Variants in ZBTB7C observed in about 807,000 individuals in gnomAD.
ZBTB7C encodes zinc finger and BTB domain containing 7C.
A neutral mutation model predicts 25.7 loss-of-function variants in ZBTB7C; 8 were observed. That is an observed-to-expected ratio of 0.31 (90% CI 0.18 to 0.56). ZBTB7C has a LOEUF of 0.56. Ranked by LOEUF, ZBTB7C falls within the 20% of genes least tolerant of loss-of-function variation. ZBTB7C has a pLI of 0.91. For synonymous variants in ZBTB7C, 394 were observed against 369.0 expected (o/e 1.07, Z -0.78); for missense variants, 824 against 855.2 (o/e 0.96, Z 0.46).
chr18:48,044,931 C>T (rs2036409688), intron 3 of ZBTB7C, among the ~76,000 whole-genome samples: 1 of 152,238 alleles, frequency 6.6e-6, no homozygotes, highest in African/African-American at 2.4e-5. Context: ...AGAGCTGATA[C>T]ACAGAGGATG....
At chr18:48,188,921 A>T (rs961017556) in intron 2 of ZBTB7C, among the ~76,000 whole-genome samples, 2 of 152,148 alleles carry the variant, frequency 1.3e-5, no homozygotes, top group South Asian at 4.1e-4. Context: ...TCCCAGTTGT[A>T]CTTTCTCTGA....
rs1180190109 is a variant in ZBTB7C, at chr18:48,367,202, TACAC to T, written c.-303-28808_-303-28805del. On this transcript the variant is annotated intron_variant, in intron 1 of 4. Transcript: ENST00000590800. Reference sequence around the variant, plus strand: ...ATATATATATATATATATATATATATACACACACACACACACACACACACACACA... The same window carrying T: ...ATATATATATATATATATATATATATACACACACACACACACACACACACA... Among the ~76,000 whole-genome samples the T allele has an allele frequency of 5.5e-3, 345 of 63,246 alleles. 17 individuals carry two copies. Among genetic ancestry groups the T allele is most frequent in the African/African-American group, 0.013 (207 of 16,196 alleles). The allele number at this position is 63,246 out of a possible 152,430, so 41.5% of individuals were successfully genotyped here.
At chr18:48,197,927 T>A (rs948040863) in intron 2 of ZBTB7C, among the ~76,000 whole-genome samples, 1 of 152,178 alleles carries the variant, frequency 6.6e-6, no homozygotes, top group Non-Finnish European at 1.5e-5. Flanking sequence ...ATAATGAAAA[T>A]GAGGTTTTAT....
chr18:48,134,757 C>G (rs1598944030), intron 3 of ZBTB7C, among the ~76,000 whole-genome samples: 1 of 152,236 alleles, frequency 6.6e-6, no homozygotes, highest in African/African-American at 2.4e-5. Flanking sequence ...CCAGTACTCT[C>G]AGAGACTGTT....
At chr18:48,283,633 A>G (rs1235740000) in intron 2 of ZBTB7C, among the ~76,000 whole-genome samples, 1 of 152,222 alleles carries the variant, frequency 6.6e-6, no homozygotes, top group African/African-American at 2.4e-5. Context: ...CAGGCAACCA[A>G]TGAGAAGTCA....
At chr18:48,199,108 T>C (rs2042379324) in intron 2 of ZBTB7C, among the ~76,000 whole-genome samples, 1 of 152,228 alleles carries the variant, frequency 6.6e-6, no homozygotes, top group South Asian at 2.1e-4. Context: ...CTGTTCTGTG[T>C]TCCGATTTTT....
At chr18:48,141,419 C>G (rs1320632370) in intron 3 of ZBTB7C, among the ~76,000 whole-genome samples, 2 of 152,104 alleles carry the variant, frequency 1.3e-5, no homozygotes, top group Non-Finnish European at 2.9e-5. Context: ...TCTTTTCTTA[C>G]TGTATCGTGC....
intron 3 of ZBTB7C, among the ~76,000 whole-genome samples, chr18:48,046,026 G>A (rs538640347): frequency 9.8e-5 from 15 of 152,324 alleles, no homozygotes; most frequent in Non-Finnish European, 2.1e-4. Flanking sequence ...GACTCCCGAC[G>A]ACAGCAGCCC....
intron 2 of ZBTB7C, among the ~76,000 whole-genome samples, chr18:48,195,309 T>A (rs1354970484): frequency 2.6e-5 from 4 of 152,182 alleles, no homozygotes; most frequent in Non-Finnish European, 1.5e-5. Context: ...GCAGCTCCCA[T>A]AATCCCCACG....
intron 2 of ZBTB7C, among the ~76,000 whole-genome samples, chr18:48,225,259 A>C (rs2043058973): frequency 6.6e-6 from 1 of 151,838 alleles, no homozygotes; most frequent in Admixed American, 6.6e-5. Context: ...AAGAGGTAAA[A>C]GAGGGAGAGA....
intron 1 of ZBTB7C, among the ~76,000 whole-genome samples, chr18:48,372,717 G>A (rs2047416394): frequency 6.6e-6 from 1 of 152,048 alleles, no homozygotes; most frequent in South Asian, 2.1e-4. Flanking sequence ...CTCCCTCTCT[G>A]GACTGTCTCC....
chr18:48,084,067 C>T (rs532904090), intron 3 of ZBTB7C, among the ~76,000 whole-genome samples: 20 of 152,204 alleles, frequency 1.3e-4, no homozygotes, highest in Non-Finnish European at 2.8e-4. Flanking sequence ...TCCTCTGCAC[C>T]CAGCTTCCTT....
intron 2 of ZBTB7C, among the ~76,000 whole-genome samples, chr18:48,192,262 G>A (rs373424611): frequency 1.3e-5 from 2 of 152,138 alleles, no homozygotes; most frequent in South Asian, 2.1e-4. Context: ...GAAAAGGCAC[G>A]ACTATGGAAA....
intron 3 of ZBTB7C, among the ~76,000 whole-genome samples, chr18:48,078,263 G>C (rs529436641): frequency 2.6e-5 from 4 of 152,382 alleles, no homozygotes; most frequent in South Asian, 2.1e-4. Flanking sequence ...TACCGGGAGA[G>C]AGCCCAGGAA....
intron 2 of ZBTB7C, among the ~76,000 whole-genome samples, chr18:48,224,827 T>A (rs900861343): frequency 3.3e-5 from 5 of 152,168 alleles, no homozygotes; most frequent in African/African-American, 1.2e-4. Flanking sequence ...TTAAACATAC[T>A]CTACAGAGCA....
chr18:48,276,756 A>G (rs1369684209), intron 2 of ZBTB7C, among the ~76,000 whole-genome samples: 1 of 89,572 alleles, frequency 1.1e-5, no homozygotes, highest in Non-Finnish European at 2.2e-5. Context: ...TGCCGCAATA[A>G]ACATACGTGT....
At chr18:48,090,064 G>T (rs2038354248) in intron 3 of ZBTB7C, among the ~76,000 whole-genome samples, 1 of 152,274 alleles carries the variant, frequency 6.6e-6, no homozygotes, top group African/African-American at 2.4e-5. Flanking sequence ...CCAGAGGCCA[G>T]TGCTCAGGAA....
At chr18:48,274,827 G>A (rs2044597075) in intron 2 of ZBTB7C, among the ~76,000 whole-genome samples, 1 of 152,220 alleles carries the variant, frequency 6.6e-6, no homozygotes. Flanking sequence ...GCAGGCCAGG[G>A]CCCTGGCTCT....
chr18:48,234,797 A>G (rs1243940627), intron 2 of ZBTB7C, among the ~76,000 whole-genome samples: 5 of 152,020 alleles, frequency 3.3e-5, no homozygotes, highest in African/African-American at 1.2e-4. Flanking sequence ...GTGTATTTAA[A>G]TCTCCTGCTC....
Sources: gnomAD v4.1 joint callset for allele counts (sites outside exome capture counted in the v4.1 genomes callset) on GRCh38, gnomAD v4.1.1 for gene constraint, MANE v1.5 for transcripts, NCBI Gene and HGNC (gene_info 2026-07-23, HGNC 2026-07-21) for gene names.